The following SCAPER variants were observed in gnomAD, a reference collection of about 807,000 sequenced individuals.
SCAPER encodes S phase cyclin A-associated protein in the endoplasmic reticulum.
A neutral mutation model predicts 182.2 loss-of-function variants in SCAPER; 98 were observed. The observed-to-expected ratio is 0.54, with a 90% CI of 0.46 to 0.64. The LOEUF (loss-of-function observed/expected upper bound fraction) is 0.64, where lower values mean the gene tolerates loss of function less well. Among genes scored for constraint, SCAPER ranks in the 30% least tolerant of loss-of-function variants. The probability of loss-of-function intolerance (pLI) is 0.00; values close to 1 mark genes in which losing one functional copy is unlikely to be tolerated. For synonymous variants in SCAPER, 605 were observed against 564.6 expected, an observed-to-expected ratio of 1.07 and a Z score of -1.01; for missense variants, 1,432 against 1,690.0, an observed-to-expected ratio of 0.85 and a Z score of 2.68.
intron 4 of SCAPER, chr15:76,855,767 AT>A (rs2071302377): frequency 3.3e-6 from 1 of 304,414 alleles, no homozygotes; most frequent in Non-Finnish European, 7.0e-6. Flanking sequence ...AGTCAAAAAA[AT>A]AACAGATCTT....
chr15:76,660,543 G>T (rs560375074), intron 21 of SCAPER, among the ~76,000 whole-genome samples: 32 of 152,214 alleles, frequency 2.1e-4, no homozygotes, highest in Non-Finnish European at 4.0e-4. Flanking sequence ...ATGGAACATA[G>T]ATCTATGATG....
intron 22 of SCAPER, among the ~76,000 whole-genome samples, chr15:76,602,194 G>A (rs1401895409): frequency 8.3e-6 from 1 of 121,162 alleles, no homozygotes; most frequent in African/African-American, 2.5e-5. Flanking sequence ...TTTTATCTAT[G>A]TTTATTCGTT....
chr15:76,357,905 TAGAG>T (rs1332879119), intron 29 of SCAPER, among the ~76,000 whole-genome samples: 1 of 151,960 alleles, frequency 6.6e-6, no homozygotes, highest in Admixed American at 6.5e-5. Flanking sequence ...CACATGAACA[TAGAG>T]AGTGAAAGAA....
chr15:76,708,609 A>T (rs568893384), intron 17 of SCAPER, among the ~76,000 whole-genome samples: 3 of 152,158 alleles, frequency 2.0e-5, no homozygotes, highest in Admixed American at 6.6e-5. Context: ...AGAAGGAAAT[A>T]AATGATAAAC....
At chr15:76,492,087 T>G (rs909516344) in intron 24 of SCAPER, among the ~76,000 whole-genome samples, 1 of 152,224 alleles carries the variant, frequency 6.6e-6, no homozygotes, top group Non-Finnish European at 1.5e-5. Flanking sequence ...TGTGCACATT[T>G]ATTAACTGTT....
At chr15:76,719,811 T>C (rs1013075831) in intron 17 of SCAPER, among the ~76,000 whole-genome samples, 1 of 152,058 alleles carries the variant, frequency 6.6e-6, no homozygotes, top group Non-Finnish European at 1.5e-5. Flanking sequence ...CAACTATATA[T>C]TGGTAGATTA....
At chr15:76,786,897 G>T (rs1004450662) in intron 8 of SCAPER, among the ~76,000 whole-genome samples, 8 of 152,022 alleles carry the variant, frequency 5.3e-5, no homozygotes, top group Non-Finnish European at 8.8e-5. Context: ...ATCGCAAAAA[G>T]AAAATGAAAT....
chr15:76,493,339 A>G (rs923372462), intron 24 of SCAPER, among the ~76,000 whole-genome samples: 1 of 152,186 alleles, frequency 6.6e-6, no homozygotes, highest in African/African-American at 2.4e-5. Flanking sequence ...ATAATCTTCA[A>G]CTAGATGTGT....
intron 15 of SCAPER, among the ~76,000 whole-genome samples, chr15:76,742,239 C>T (rs1350951407): frequency 1.3e-5 from 2 of 151,342 alleles, no homozygotes; most frequent in Non-Finnish European, 3.0e-5. Context: ...CATGGGTGAT[C>T]GGTATTAGAA....
At chr15:76,764,713 T>C (rs995933196) in intron 14 of SCAPER, among the ~76,000 whole-genome samples, 1 of 152,188 alleles carries the variant, frequency 6.6e-6, no homozygotes, top group Non-Finnish European at 1.5e-5. Context: ...AACCCTCCAA[T>C]GAAAACGGCA....
chr15:76,550,594 T>C (rs902090378), intron 23 of SCAPER, among the ~76,000 whole-genome samples: 5 of 152,228 alleles, frequency 3.3e-5, no homozygotes, highest in East Asian at 1.9e-4. Flanking sequence ...CAGTCTATCA[T>C]TGATGGGCAT....
intron 4 of SCAPER, among the ~76,000 whole-genome samples, chr15:76,854,177 G>A (rs1205727423): frequency 1.3e-5 from 2 of 152,018 alleles, no homozygotes; most frequent in Non-Finnish European, 1.5e-5. Flanking sequence ...GCTGAGGCAG[G>A]AGAATCGCTT....
intron 21 of SCAPER, among the ~76,000 whole-genome samples, chr15:76,662,995 A>C (rs1292714628): frequency 6.6e-6 from 1 of 152,170 alleles, no homozygotes; most frequent in Non-Finnish European, 1.5e-5. Context: ...TTGCTTATCA[A>C]AAGCTATTAT....
chr15:76,770,642 A>C (rs2063411570), intron 10 of SCAPER, among the ~76,000 whole-genome samples: 1 of 152,106 alleles, frequency 6.6e-6, no homozygotes, highest in South Asian at 2.1e-4. Context: ...TGAGGTCAGA[A>C]TTTTTAATTA....
At chr15:76,844,405 G>A (rs2069828417) in intron 4 of SCAPER, among the ~76,000 whole-genome samples, 1 of 151,582 alleles carries the variant, frequency 6.6e-6, no homozygotes, top group Non-Finnish European at 1.5e-5. Context: ...CCAAAAAAAT[G>A]CACGTGTATG....
chr15:76,868,720 T>C (rs2072481661), intron 2 of SCAPER, among the ~76,000 whole-genome samples: 1 of 152,076 alleles, frequency 6.6e-6, no homozygotes, highest in African/African-American at 2.4e-5. Flanking sequence ...CAAAGCAATT[T>C]ACAGATTCAA....
intron 22 of SCAPER, among the ~76,000 whole-genome samples, chr15:76,599,335 C>A (rs2049743329): frequency 8.2e-6 from 1 of 122,066 alleles, no homozygotes; most frequent in African/African-American, 2.5e-5. Flanking sequence ...GGTAATAATA[C>A]TTTGAAAAAA....
At chr15:76,889,918 G>C (rs1476571159) in intron 1 of SCAPER, among the ~76,000 whole-genome samples, 1 of 152,062 alleles carries the variant, frequency 6.6e-6, no homozygotes, top group East Asian at 1.9e-4. Context: ...CACATAATTG[G>C]AAGTAAAGCA....
At chr15:76,663,688 T>C (rs987487492) in intron 21 of SCAPER, among the ~76,000 whole-genome samples, 7 of 152,060 alleles carry the variant, frequency 4.6e-5, no homozygotes, top group African/African-American at 1.7e-4. Context: ...TACCAGCGGT[T>C]GCCTCAGGCC....
Sources: gnomAD v4.1 joint callset for allele counts (sites outside exome capture counted in the v4.1 genomes callset) on GRCh38, gnomAD v4.1.1 for gene constraint, MANE v1.5 for transcripts, NCBI Gene and HGNC (gene_info 2026-07-23, HGNC 2026-07-21) for gene names.